Variants in SYT1 observed in about 807,000 individuals in gnomAD.
SYT1 encodes synaptotagmin-1.
Under a neutral mutation model 44.8 loss-of-function variants are expected in SYT1, and 8 were observed. That is an observed-to-expected ratio of 0.18 (90% CI 0.10 to 0.32). SYT1 has a LOEUF of 0.32. SYT1 is among the 10% of genes least tolerant of loss of function. The pLI, the probability that SYT1 is intolerant of heterozygous loss-of-function variation, is 1.00. For missense variants in SYT1, 286 were observed against 509.3 expected (o/e 0.56, Z 4.22); for synonymous variants, 154 against 188.8 (o/e 0.82, Z 1.51).
At chr12:79,068,492 T>C (rs937602818) in intron 3 of SYT1, among the ~76,000 whole-genome samples, 3 of 152,170 alleles carry the variant, frequency 2.0e-5, no homozygotes, top group African/African-American at 7.2e-5. Context: ...AGTGGATAAA[T>C]TCTTTCAGAG....
intron 1 of SYT1, among the ~76,000 whole-genome samples, chr12:78,900,845 T>A (rs542125854): frequency 1.2e-4 from 19 of 152,284 alleles, no homozygotes; most frequent in African/African-American, 4.3e-4. Context: ...TGGTGAACAT[T>A]CTTATTTCTT....
chr12:79,141,908 T>C (rs1346781134), intron 3 of SYT1, among the ~76,000 whole-genome samples: 3 of 152,236 alleles, frequency 2.0e-5, no homozygotes, highest in African/African-American at 7.2e-5. Flanking sequence ...GGCTTGGGTT[T>C]CTTTCTTCAG....
chr12:79,161,836 A>G (rs1011299444), intron 3 of SYT1, among the ~76,000 whole-genome samples: 9 of 152,066 alleles, frequency 5.9e-5, no homozygotes, highest in African/African-American at 2.2e-4. Flanking sequence ...TTACTTCTTT[A>G]TAGAGTATAA....
chr12:78,866,771 T>C (rs972624294), intron 1 of SYT1, among the ~76,000 whole-genome samples: 11 of 152,172 alleles, frequency 7.2e-5, no homozygotes, highest in Non-Finnish European at 1.3e-4. Context: ...ATGCAGAGTC[T>C]TACTTTTTTT....
At chr12:79,252,002 AG>A (rs1387386301) in intron 4 of SYT1, among the ~76,000 whole-genome samples, 3 of 151,988 alleles carry the variant, frequency 2.0e-5, no homozygotes, top group African/African-American at 7.3e-5. Flanking sequence ...ATAGATAGAT[AG>A]ATAGATAATA....
chr12:78,967,191 A>T (rs1868270234), intron 1 of SYT1, among the ~76,000 whole-genome samples: 1 of 152,158 alleles, frequency 6.6e-6, no homozygotes, highest in Non-Finnish European at 1.5e-5. Context: ...CTAAGGTATC[A>T]TTTGTGCCCT....
intron 4 of SYT1, among the ~76,000 whole-genome samples, chr12:79,237,335 A>G (rs1220039772): frequency 6.6e-6 from 1 of 152,252 alleles, no homozygotes; most frequent in Non-Finnish European, 1.5e-5. Flanking sequence ...TTTAGGTTGC[A>G]TTAAATAAAG....
At chr12:79,307,864 A>G (rs975504899) in intron 8 of SYT1, among the ~76,000 whole-genome samples, 6 of 152,220 alleles carry the variant, frequency 3.9e-5, no homozygotes, top group Admixed American at 6.5e-5. Flanking sequence ...AGTAAATGGC[A>G]GCTGCTGTGA....
chr12:79,271,803 C>G (rs1199288353), intron 4 of SYT1, among the ~76,000 whole-genome samples: 4 of 151,996 alleles, frequency 2.6e-5, no homozygotes. Flanking sequence ...AATATCAGTG[C>G]TTTGTGTCAT....
chr12:79,088,382 A>G lies in SYT1; in HGVS notation c.-18+41020A>G, dbSNP rs1051748378. 1.7e-4 allele frequency among the ~76,000 whole-genome samples: 26 copies of G among 152,120 alleles called. No individual in the cohort carries two copies. The East Asian group carries it at 3.3e-3, about 19-fold the overall frequency. ...GGTTAACAGGAAACAGGCATACAAAACGATACTAGTAATAATAATTAGTAG... is the reference window on the plus strand; with the variant it reads ...GGTTAACAGGAAACAGGCATACAAAGCGATACTAGTAATAATAATTAGTAG... On this transcript the variant is annotated intron_variant, in intron 3 of 10. Coordinates refer to ENST00000261205, the MANE Select transcript of SYT1 (RefSeq NM_005639.3).
At chr12:79,283,514 G>A (rs1474981153) in intron 4 of SYT1, among the ~76,000 whole-genome samples, 1 of 151,958 alleles carries the variant, frequency 6.6e-6, no homozygotes, top group Non-Finnish European at 1.5e-5. Context: ...AGACTTTTAT[G>A]TAGCTCTCTG....
At position 78,987,224 on chromosome 12, in the gene SYT1, G is replaced by A. The variant is rs544292465; in HGVS notation, c.-84+9293G>A. Among the ~76,000 whole-genome samples the A allele has an allele frequency of 1.6e-4, 25 of 152,146 alleles. 1 individual carries two copies. In the South Asian group the frequency reaches 4.6e-3, roughly 28 times the overall value. ...ATGAGGAGGCACCCTTTCTAAGCAT[G>A]AGGAACATTTCTTTTAATGAGTCTG... On this transcript the variant is annotated intron_variant, in intron 2 of 10. Coordinates refer to ENST00000261205, the MANE Select transcript of SYT1 (RefSeq NM_005639.3).
intron 9 of SYT1, among the ~76,000 whole-genome samples, chr12:79,401,583 T>C (rs1315266678): frequency 1.3e-5 from 2 of 152,184 alleles, no homozygotes; most frequent in African/African-American, 4.8e-5. Flanking sequence ...GAATTTTACT[T>C]TTCAGTTTTC....
chr12:79,338,763 C>T (rs750115585), intron 8 of SYT1, among the ~76,000 whole-genome samples: 42 of 151,218 alleles, frequency 2.8e-4, no homozygotes, highest in Non-Finnish European at 4.4e-4. Context: ...GTTGGTTTGC[C>T]GCACCCATTA....
intron 1 of SYT1, among the ~76,000 whole-genome samples, chr12:78,890,878 C>T (rs1875015827): frequency 6.6e-6 from 1 of 151,828 alleles, no homozygotes; most frequent in African/African-American, 2.4e-5. Flanking sequence ...GAAGAGTAAC[C>T]ATCTGCTAGA....
At chr12:79,152,977 T>C (rs1390252724) in intron 3 of SYT1, among the ~76,000 whole-genome samples, 1 of 151,906 alleles carries the variant, frequency 6.6e-6, no homozygotes, top group Non-Finnish European at 1.5e-5. Flanking sequence ...ATTATTACCC[T>C]TCTCATTATA....
At chr12:79,319,915 C>T (rs1881274525) in intron 8 of SYT1, among the ~76,000 whole-genome samples, 1 of 152,114 alleles carries the variant, frequency 6.6e-6, no homozygotes, top group Admixed American at 6.6e-5. Context: ...AATATCCATC[C>T]CTGTAATTAT....
chr12:79,138,467 A>T (rs920029029), intron 3 of SYT1, among the ~76,000 whole-genome samples: 1 of 152,188 alleles, frequency 6.6e-6, no homozygotes, highest in African/African-American at 2.4e-5. Flanking sequence ...ATTGGTTTAT[A>T]AAAAAGTACT....
At chr12:78,875,696 T>C (rs1456682336) in intron 1 of SYT1, among the ~76,000 whole-genome samples, 1 of 151,766 alleles carries the variant, frequency 6.6e-6, no homozygotes, top group Non-Finnish European at 1.5e-5. Flanking sequence ...AAATATATGC[T>C]GTCTCATTTC....
Sources: gnomAD v4.1 joint callset for allele counts (sites outside exome capture counted in the v4.1 genomes callset) on GRCh38, gnomAD v4.1.1 for gene constraint, MANE v1.5 for transcripts, NCBI Gene and HGNC (gene_info 2026-07-23, HGNC 2026-07-21) for gene names.